Variants in HPGD observed in about 807,000 individuals in gnomAD.
HPGD encodes 15-hydroxyprostaglandin dehydrogenase [NAD(+)].
A neutral mutation model predicts 30.0 loss-of-function variants in HPGD; 29 were observed. The ratio of observed to expected loss-of-function variants is 0.97; its 90% confidence interval spans 0.72 to 1.32. The LOEUF (loss-of-function observed/expected upper bound fraction) is 1.32. Ranked by LOEUF, HPGD falls within the 40% of genes most tolerant of loss-of-function variation. HPGD has a pLI of 0.00. For synonymous variants in HPGD, 99 were observed against 112.4 expected (o/e 0.88, Z 0.75); for missense variants, 340 against 322.1 (o/e 1.06, Z -0.43).
At chr4:174,495,083 A>T (rs893343025) in intron 5 of HPGD, among the ~76,000 whole-genome samples, 1 of 152,124 alleles carries the variant, frequency 6.6e-6, no homozygotes, top group African/African-American at 2.4e-5. Context: ...AGGTCTGTGC[A>T]CCTTTCACCC....
chr4:174,513,834 GTTTAAC>G (rs977369465), intron 3 of HPGD, among the ~76,000 whole-genome samples: 1 of 151,806 alleles, frequency 6.6e-6, no homozygotes, highest in Admixed American at 6.6e-5. Context: ...CAAATCAGAA[GTTTAAC>G]TTTAAAAAAA....
intron 4 of HPGD, among the ~76,000 whole-genome samples, chr4:174,499,507 A>G (rs1447268524): frequency 2.6e-5 from 4 of 152,154 alleles, no homozygotes; most frequent in Admixed American, 2.6e-4. Context: ...TTCTCTTTTC[A>G]ATGGAAAGTC....
intron 3 of HPGD, among the ~76,000 whole-genome samples, chr4:174,515,715 A>G (rs1735735606): frequency 6.6e-6 from 1 of 152,120 alleles, no homozygotes; most frequent in African/African-American, 2.4e-5. Context: ...ATATTTGCAA[A>G]CTATGGATCT....
At chr4:174,495,682 C>A in intron 4 of HPGD, 58 bp from the exon 5 acceptor site, 2 of 1,133,486 alleles carry the variant, frequency 1.8e-6, no homozygotes, top group Non-Finnish European at 2.7e-6. Context: ...TAGACTATAC[C>A]CAGTAATGAA....
chr4:174,496,546 G>C lies in HPGD; in HGVS notation c.422-922C>G, dbSNP rs1734605879. 1.3e-5 allele frequency among the ~76,000 whole-genome samples: 2 copies of C among 152,146 alleles called. No individual in the cohort carries two copies. The highest frequency in any genetic ancestry group is 2.9e-5 in the Non-Finnish European group (2 of 68,024). ...TCTAATCAGCAATCAAATTGAACCA[G>C]AGTCATTCTTGTATTTGTTTTTGAC... On this transcript the variant is annotated intron_variant, in intron 4 of 6. Coordinates refer to ENST00000296522, the MANE Select transcript of HPGD (RefSeq NM_000860.6). This position sits in a 1 kb window ranked among gnomAD's most constrained non-coding sequence, Gnocchi z 4.6.
intron 4 of HPGD, among the ~76,000 whole-genome samples, chr4:174,504,710 G>A (rs1735095040): frequency 6.6e-6 from 1 of 151,940 alleles, no homozygotes; most frequent in Non-Finnish European, 1.5e-5. Flanking sequence ...CTACTGGGGA[G>A]GCTGAGGCAG....
At position 174,522,082 on chromosome 4, in the gene HPGD, A is replaced by G. The variant is rs1198112330; in HGVS notation, c.94-15T>C. On this transcript the variant is annotated splice_polypyrimidine_tract_variant and intron_variant, in intron 1 of 6. Transcript: ENST00000296522. The stretch of plus-strand genomic sequence containing the variant: ...ACCAGCGCTACCTATAGACAAGAGG[A>G]GAGGAATCGCGGGCCTGCGCAGCTC... 3 of 1,614,044 alleles carry G rather than the reference A, an allele frequency of 1.9e-6. No homozygotes were observed. The highest frequency in any genetic ancestry group is 4.5e-5 in the East Asian group (2 of 44,892).
At chr4:174,500,046 C>G (rs547508196) in intron 4 of HPGD, among the ~76,000 whole-genome samples, 2 of 152,214 alleles carry the variant, frequency 1.3e-5, no homozygotes, top group East Asian at 3.9e-4. Context: ...GAGAGGGAGC[C>G]TTGGGTTACT....
At chr4:174,502,564 G>C (rs1037500150) in intron 4 of HPGD, among the ~76,000 whole-genome samples, 1 of 151,630 alleles carries the variant, frequency 6.6e-6, no homozygotes, top group Non-Finnish European at 1.5e-5. Flanking sequence ...TGTAGTCTCA[G>C]CTACTCAGGA....
At chr4:174,493,879 G>A (rs147224504) in intron 5 of HPGD, among the ~76,000 whole-genome samples, 1 of 152,190 alleles carries the variant, frequency 6.6e-6, no homozygotes, top group East Asian at 1.9e-4. Context: ...AAACAAATTT[G>A]TTAAATTTGC....
intron 5 of HPGD, 51 bp downstream of exon 5, chr4:174,495,497 T>C (rs559157736): frequency 7.4e-7 from 1 of 1,356,932 alleles, no homozygotes; most frequent in South Asian, 1.2e-5. Context: ...ATTCATGTTT[T>C]ATAAATGTGT....
At chr4:174,517,016 A>G (rs1313682025) in intron 3 of HPGD, among the ~76,000 whole-genome samples, 1 of 152,202 alleles carries the variant, frequency 6.6e-6, no homozygotes, top group African/African-American at 2.4e-5. Context: ...TTATACATAC[A>G]CAGTGGCCAA....
chr4:174,517,237 T>A (rs888066798), intron 3 of HPGD, among the ~76,000 whole-genome samples: 1 of 152,172 alleles, frequency 6.6e-6, no homozygotes, highest in East Asian at 1.9e-4. Flanking sequence ...TATTTCTTAA[T>A]TCTACCATTT....
chr4:174,516,275 C>T (rs4516687), intron 3 of HPGD, among the ~76,000 whole-genome samples: 26,162 of 151,254 alleles, frequency 0.17, 2,608 homozygotes, highest in East Asian at 0.3. Context: ...ATAAAGAATA[C>T]GGGTAGGTAT....
chr4:174,497,568 C>CCTTTTTTTTTTTTTTTTT lies in HPGD; in HGVS notation c.422-1945_422-1944insAAAAAAAAAAAAAAAAAG, dbSNP rs1560976894. Among the ~76,000 whole-genome samples, 2 of 51,114 alleles carry CCTTTTTTTTTTTTTTTTT rather than the reference C, an allele frequency of 3.9e-5. 1 individual carries two copies. Among genetic ancestry groups the CCTTTTTTTTTTTTTTTTT allele is most frequent in the Non-Finnish European group, 8.1e-5 (2 of 24,556 alleles). 33.5% of individuals were successfully genotyped at this position (51,114 alleles called of 152,430 possible). Reference sequence around the variant, plus strand: ...CACTTTCTTTTCTTTCTTTTTCTTTCTTTTTTTTTTTTTTTTTTTTTTTTT... The same window carrying CCTTTTTTTTTTTTTTTTT: ...CACTTTCTTTTCTTTCTTTTTCTTTCCTTTTTTTTTTTTTTTTTTTTTTTTTTTTTTTTTTTTTTTTTT... On this transcript the variant is annotated intron_variant, in intron 4 of 6. Transcript: ENST00000296522.
chr4:174,514,142 A>G (rs935312040), intron 3 of HPGD, among the ~76,000 whole-genome samples: 5 of 152,182 alleles, frequency 3.3e-5, no homozygotes, highest in African/African-American at 1.2e-4. Context: ...AAAAAAATTC[A>G]ATGGTATATT....
At position 174,522,423 on chromosome 4, in the gene HPGD, A is replaced by T. The variant is rs755848982; in HGVS notation, c.29T>A (p.Val10Glu). 6.3e-7 allele frequency: 1 copy of T among 1,583,094 alleles called. No homozygotes were observed. Among genetic ancestry groups the T allele is most frequent in the Non-Finnish European group, 8.6e-7 (1 of 1,165,432 alleles). MHVNGKVAL[V>E]TGAAQGIGRA... ...GCCTATGCCCTGAGCCGCGCCGGTC[A>T]CCAGCGCCACTTTGCCGTTCACGTG... Residue 10 changes from valine (V) to glutamate (E), a missense_variant, in exon 1 of 7, where the codon GTG (valine) becomes GAG (glutamate). By Grantham distance (121) the Val-to-Glu change is moderately radical. Coordinates refer to ENST00000296522, the MANE Select transcript of HPGD (RefSeq NM_000860.6).
At chr4:174,503,161 A>G (rs2110810934) in intron 4 of HPGD, among the ~76,000 whole-genome samples, 1 of 152,220 alleles carries the variant, frequency 6.6e-6, no homozygotes, top group African/African-American at 2.4e-5. Flanking sequence ...TGTCTTTTAA[A>G]CTATTTTAAG....
At chr4:174,514,441 C>T (rs1448485680) in intron 3 of HPGD, among the ~76,000 whole-genome samples, 1 of 152,052 alleles carries the variant, frequency 6.6e-6, no homozygotes, top group Non-Finnish European at 1.5e-5. Flanking sequence ...AGGAGGGTAT[C>T]CATACTGTAA....
Sources: gnomAD v4.1 joint callset for allele counts (sites outside exome capture counted in the v4.1 genomes callset) on GRCh38, gnomAD v4.1.1 for gene constraint, Gnocchi (gnomAD v3.1) non-coding constraint, MANE v1.5 for transcripts, NCBI Gene and HGNC (gene_info 2026-07-23, HGNC 2026-07-21) for gene names.